Variants in WDR20 observed in about 807,000 individuals in gnomAD.
WDR20 encodes WD repeat domain 20.
A neutral mutation model predicts 38.7 loss-of-function variants in WDR20; 3 were observed. That is an observed-to-expected ratio of 0.08 (90% confidence interval 0.04 to 0.20). The LOEUF (loss-of-function observed/expected upper bound fraction) is 0.20. Ranked by LOEUF, WDR20 falls within the 10% of genes least tolerant of loss-of-function variation. WDR20 has a pLI of 1.00. For synonymous variants in WDR20, 298 were observed against 285.6 expected, an observed-to-expected ratio of 1.04 and a Z score of -0.44; for missense variants, 559 against 727.7, an observed-to-expected ratio of 0.77 and a Z score of 2.67.
chr14:102,168,102 C>T (rs537545448), intron 1 of WDR20, among the ~76,000 whole-genome samples: 2 of 152,276 alleles, frequency 1.3e-5, no homozygotes, highest in South Asian at 4.1e-4. Context: ...CTGTATTTCT[C>T]TCTTCCCCCC....
At chr14:102,164,673 T>G (rs2059409221) in intron 1 of WDR20, among the ~76,000 whole-genome samples, 1 of 152,214 alleles carries the variant, frequency 6.6e-6, no homozygotes, top group Non-Finnish European at 1.5e-5. Flanking sequence ...ATTGAAACAT[T>G]CTTTGTCTTG....
rs201404059 is a variant in WDR20 at position 102,209,451 on chromosome 14, T to G, written c.1281T>G (p.Pro427=). The G allele has an allele frequency of 4.6e-5, 74 of 1,614,174 alleles. No individual in the cohort carries two copies. The East Asian group carries it at 1.2e-3, about 25-fold the overall frequency. Residue 427 remains proline, a synonymous_variant, in exon 3 of 3, where the codon CCT becomes CCG. Transcript: ENST00000342702. The surrounding 1 kb of genome is among the most constrained non-coding windows in gnomAD (Gnocchi z 6.0). ...CAACACCCGGGAACTCTGTGCCGCC[T>G]CCTCTGCCACGGTCCAACAGCCTTC... ...SVTTPGNSVP[P]PLPRSNSLPH... is the part of the protein sequence containing the mutation.
At chr14:102,190,285 C>T (rs924039809) in intron 1 of WDR20, among the ~76,000 whole-genome samples, 5 of 152,138 alleles carry the variant, frequency 3.3e-5, no homozygotes, top group Non-Finnish European at 5.9e-5. Flanking sequence ...TTAGGCCAGG[C>T]GCAGTGGCTC....
intron 1 of WDR20, among the ~76,000 whole-genome samples, chr14:102,168,819 C>A (rs1340182067): frequency 6.6e-6 from 1 of 152,128 alleles, no homozygotes; most frequent in Non-Finnish European, 1.5e-5. Context: ...GCTTCTACCA[C>A]TACCACCCTA....
At chr14:102,176,421 G>A (rs1004027793) in intron 1 of WDR20, among the ~76,000 whole-genome samples, 2 of 151,818 alleles carry the variant, frequency 1.3e-5, no homozygotes, top group African/African-American at 2.4e-5. Flanking sequence ...AAGTGGGGCC[G>A]GGCGTGGTGG....
At position 102,157,002 on chromosome 14, in the gene WDR20, TAAATA is replaced by T. The variant is rs1336817915; in HGVS notation, c.249+16839_249+16843del. On this transcript the variant is annotated intron_variant, in intron 1 of 2. Transcript: ENST00000342702. The stretch of plus-strand genomic sequence containing the variant: ...CAAGACTCCGTCTCAAAATAAAAAA[TAAATA>T]AAATAAAAATTATTGGGGCTGAGGT... Among the ~76,000 whole-genome samples the T allele has an allele frequency of 6.6e-5, 10 of 151,960 alleles. No homozygotes were observed. The South Asian group carries it at 1.5e-3, about 22-fold the overall frequency.
downstream of WDR20, among the ~76,000 whole-genome samples, chr14:102,218,688 A>G (rs192100274): frequency 6.8e-4 from 103 of 152,048 alleles, no homozygotes; most frequent in African/African-American, 2.4e-3. Flanking sequence ...AGCGGGAATA[A>G]AACAGTGACT....
At chr14:102,154,316 G>A (rs1216131081) in intron 1 of WDR20, among the ~76,000 whole-genome samples, 2 of 152,186 alleles carry the variant, frequency 1.3e-5, no homozygotes, top group East Asian at 3.8e-4. Flanking sequence ...GAAGGTGTTG[G>A]CGGATTCATT....
chr14:102,190,481 T>C (rs1024910329), intron 1 of WDR20, among the ~76,000 whole-genome samples: 2 of 147,872 alleles, frequency 1.4e-5, no homozygotes, highest in South Asian at 4.3e-4. Flanking sequence ...TAATCCCAGC[T>C]ACTCAGGAGG....
intron 2 of WDR20, among the ~76,000 whole-genome samples, chr14:102,205,398 GAA>G (rs1486596270): frequency 3.3e-5 from 5 of 152,170 alleles, no homozygotes; most frequent in African/African-American, 1.2e-4. Flanking sequence ...TCTGGAGAGA[GAA>G]ATGAGAAACT....
Position 102,142,774 on chromosome 14 carries a change from CTTTTTTTT to C in WDR20, c.249+2618_249+2625del, listed in dbSNP as rs71116885. ...CCCAGCGCACAGTTGGCTGTTTTGACTTTTTTTTTTTTTTTTTTTTTTTGGTCCTTTGA... is the reference window on the plus strand; with the variant it reads ...CCCAGCGCACAGTTGGCTGTTTTGACTTTTTTTTTTTTTTTGGTCCTTTGA... On this transcript the variant is annotated intron_variant, in intron 1 of 2. Coordinates refer to ENST00000342702, the MANE Select transcript of WDR20 (RefSeq NM_144574.4). 1.2e-4 allele frequency among the ~76,000 whole-genome samples: 10 copies of C among 85,018 alleles called. No individual in the cohort carries two copies. The South Asian group carries it at 2.6e-3, about 22-fold the overall frequency. The allele number at this position is 85,018 out of a possible 152,430, so 55.8% of individuals were successfully genotyped here. A position where few individuals can be genotyped will look rare whatever the true frequency, so the allele number is the denominator to read the frequency against.
intron 1 of WDR20, among the ~76,000 whole-genome samples, chr14:102,151,018 A>G (rs949236312): frequency 6.6e-6 from 1 of 152,216 alleles, no homozygotes; most frequent in Non-Finnish European, 1.5e-5. Flanking sequence ...TGAGACAGAT[A>G]AGTAAACCAG....
rs2061790373 is a variant in WDR20, at chr14:102,207,657, G to A, written c.433-946G>A. The stretch of plus-strand genomic sequence containing the variant: ...GGACTTCTGGATGTGTTCTGGTGAT[G>A]CGATTTTGCGCTCAGACGGTCCAGA... On this transcript the variant is annotated intron_variant, in intron 2 of 2. Coordinates refer to ENST00000342702, the MANE Select transcript of WDR20 (RefSeq NM_144574.4). This position sits in a 1 kb window ranked among gnomAD's most constrained non-coding sequence, Gnocchi z 5.0. Among the ~76,000 whole-genome samples, 1 of 152,216 alleles carries A rather than the reference G, an allele frequency of 6.6e-6. No individual in the cohort carries two copies. Among genetic ancestry groups the A allele is most frequent in the Non-Finnish European group, 1.5e-5 (1 of 68,050 alleles).
At chr14:102,224,746 G>T (rs942783381), downstream of WDR20, 1 of 456,056 alleles carries the variant, frequency 2.2e-6, no homozygotes, top group East Asian at 6.9e-5. Flanking sequence ...ACTCGAAGGC[G>T]CCAGCAGGGA....
At chr14:102,219,218 A>G (rs1251922866), downstream of WDR20, among the ~76,000 whole-genome samples, 1 of 152,216 alleles carries the variant, frequency 6.6e-6, no homozygotes, top group East Asian at 1.9e-4. Context: ...AAACAAGGTG[A>G]CTTTTTTCAT....
intron 2 of WDR20, 129 bp downstream of exon 2, chr14:102,195,249 T>C: frequency 1.0e-6 from 1 of 952,656 alleles, no homozygotes; most frequent in East Asian, 2.6e-5. Flanking sequence ...TCCTACCTAG[T>C]ATGCCCAAGT....
At chr14:102,195,225 T>A in intron 2 of WDR20, 105 bp downstream of exon 2, 1 of 1,295,810 alleles carries the variant, frequency 7.7e-7, no homozygotes, top group Non-Finnish European at 1.1e-6. Context: ...GCCCATTTTT[T>A]ATTCGCCCAG....
chr14:102,141,770 T>C (rs1482126119), intron 1 of WDR20, among the ~76,000 whole-genome samples: 3 of 152,158 alleles, frequency 2.0e-5, no homozygotes, highest in African/African-American at 7.2e-5. Flanking sequence ...TTGACATTGA[T>C]AATCAGAGTG....
intron 1 of WDR20, among the ~76,000 whole-genome samples, chr14:102,181,314 A>G (rs1330303778): frequency 1.3e-5 from 2 of 152,156 alleles, no homozygotes; most frequent in East Asian, 3.8e-4. Context: ...CTGAGAAATG[A>G]GGGCTTTGGG....
Sources: gnomAD v4.1 joint callset for allele counts (sites outside exome capture counted in the v4.1 genomes callset) on GRCh38, gnomAD v4.1.1 for gene constraint, Gnocchi (gnomAD v3.1) non-coding constraint, MANE v1.5 for transcripts, NCBI Gene and HGNC (gene_info 2026-07-23, HGNC 2026-07-21) for gene names.